Variants in CBL observed in about 807,000 individuals in gnomAD.
The protein encoded by CBL is E3 ubiquitin-protein ligase CBL.
A neutral mutation model predicts 96.9 loss-of-function variants in CBL; 45 were observed. The ratio of observed to expected loss-of-function variants is 0.46; its 90% CI spans 0.37 to 0.60. The LOEUF is 0.60. CBL is among the 20% of genes least tolerant of loss of function. The pLI, the probability that CBL is intolerant of heterozygous loss-of-function variation, is 0.00. For missense variants in CBL, 1,024 were observed against 1,143.5 expected (o/e 0.90, Z 1.51); for synonymous variants, 420 against 426.8 (o/e 0.98, Z 0.20).
rs117901657 is a variant in CBL at position 119,268,587 on chromosome 11, C to T, written c.444-3148C>T. Among the ~76,000 whole-genome samples, 189 of 152,262 alleles carry T rather than the reference C, an allele frequency of 1.2e-3. 3 individuals carry two copies. In the East Asian group the frequency reaches 0.031, roughly 25 times the overall value. ...AGATAGTTGGAAAAACTACCAAGGCCTAAGATTTGGGCATTGTTTGCTAAG... is the reference window on the plus strand; with the variant it reads ...AGATAGTTGGAAAAACTACCAAGGCTTAAGATTTGGGCATTGTTTGCTAAG... On this transcript the variant is annotated intron_variant, in intron 2 of 15. Coordinates refer to ENST00000264033, the MANE Select transcript of CBL (RefSeq NM_005188.4).
At chr11:119,248,984 A>G (rs903769755) in intron 2 of CBL, among the ~76,000 whole-genome samples, 2 of 152,168 alleles carry the variant, frequency 1.3e-5, no homozygotes, top group Admixed American at 1.3e-4. Flanking sequence ...ACCCTCATGC[A>G]TTGGTGATAG....
rs576300891 is a variant in CBL at position 119,303,110 on chromosome 11, A to G, written c.*3329A>G. On this transcript the variant is annotated 3_prime_UTR_variant, in exon 16 of 16. Coordinates refer to ENST00000264033, the MANE Select transcript of CBL (RefSeq NM_005188.4). ...TATGGTCCCAAACAGTCAACTCACA[A>G]ATTTTTATAACAAAATTTCCTTGTA... 1 of 231,934 alleles carries G rather than the reference A, an allele frequency of 4.3e-6. No individual in the cohort carries two copies. Among genetic ancestry groups the G allele is most frequent in the African/African-American group, 2.2e-5 (1 of 45,380 alleles). The allele number at this position is 231,934 out of a possible 1,614,324, so 14.4% of individuals were successfully genotyped here. A position where few individuals can be genotyped will look rare whatever the true frequency, so the allele number is the denominator to read the frequency against.
chr11:119,237,223 G>A (rs1377064054), intron 2 of CBL, among the ~76,000 whole-genome samples: 1 of 152,174 alleles, frequency 6.6e-6, no homozygotes, highest in Non-Finnish European at 1.5e-5. Flanking sequence ...ATCTTCTTTG[G>A]AGAAACATCT....
chr11:119,218,686 G>A (rs1949382913), intron 1 of CBL, among the ~76,000 whole-genome samples: 1 of 152,150 alleles, frequency 6.6e-6, no homozygotes, highest in Admixed American at 6.6e-5. Flanking sequence ...TCACCTAGTA[G>A]TCATCTTGAT....
At chr11:119,231,408 A>T (rs1949500820) in intron 1 of CBL, among the ~76,000 whole-genome samples, 1 of 151,076 alleles carries the variant, frequency 6.6e-6, no homozygotes, top group South Asian at 2.1e-4. Flanking sequence ...ACTCCATCTC[A>T]AAAACAAAAA....
At chr11:119,215,402 C>CT (rs1949351500) in intron 1 of CBL, among the ~76,000 whole-genome samples, 1 of 150,670 alleles carries the variant, frequency 6.6e-6, no homozygotes, top group African/African-American at 2.5e-5. Flanking sequence ...GCAAAATGGA[C>CT]TAAATATTCG....
chr11:119,238,457 G>A (rs539757561), intron 2 of CBL, among the ~76,000 whole-genome samples: 22 of 149,840 alleles, frequency 1.5e-4, no homozygotes, highest in African/African-American at 2.4e-4. Context: ...TGACCCGCCC[G>A]CCTCGGCCTC....
chr11:119,273,414 A>G (rs1245814396), intron 3 of CBL, among the ~76,000 whole-genome samples: 1 of 152,036 alleles, frequency 6.6e-6, no homozygotes, highest in Non-Finnish European at 1.5e-5. Context: ...TTATTTGTAA[A>G]TTATTTTTTA....
intron 12 of CBL, among the ~76,000 whole-genome samples, chr11:119,290,813 G>GCA (rs1476909988): frequency 2.0e-5 from 3 of 150,982 alleles, no homozygotes; most frequent in Admixed American, 6.6e-5. Flanking sequence ...GTAATTACAG[G>GCA]CACACACCAC....
At chr11:119,278,809 G>A (rs1379998159) in intron 9 of CBL, 96 bp downstream of exon 9, 17 of 882,128 alleles carry the variant, frequency 1.9e-5, no homozygotes, top group Non-Finnish European at 3.2e-5. Flanking sequence ...ATGATAGGTA[G>A]TATTAATAGC....
chr11:119,235,019 G>C (rs1949532471), intron 2 of CBL, among the ~76,000 whole-genome samples: 1 of 152,224 alleles, frequency 6.6e-6, no homozygotes, highest in South Asian at 2.1e-4. Context: ...GTTGAAGTCA[G>C]ATTGTAAAGG....
At position 119,235,445 on chromosome 11, in the gene CBL, A is replaced by C. The variant is rs1224299776; in HGVS notation, c.443+2750A>C. 2.0e-5 allele frequency among the ~76,000 whole-genome samples: 3 copies of C among 152,188 alleles called. No homozygotes were observed. In the East Asian group the frequency reaches 5.8e-4, roughly 29 times the overall value. On this transcript the variant is annotated intron_variant, in intron 2 of 15. Coordinates refer to ENST00000264033, the MANE Select transcript of CBL (RefSeq NM_005188.4). Reference sequence around the variant, plus strand: ...GTTACTAAAATCATAAGGAAGATAAAACATTTATTATTCAGTAAGTGGAAA... The same window carrying C: ...GTTACTAAAATCATAAGGAAGATAACACATTTATTATTCAGTAAGTGGAAA...
chr11:119,275,528 T>G (rs534127128), intron 5 of CBL, among the ~76,000 whole-genome samples: 2 of 152,140 alleles, frequency 1.3e-5, no homozygotes, highest in Non-Finnish European at 2.9e-5. Flanking sequence ...TTTTTAAAAA[T>G]ATTTTCTTTC....
At chr11:119,262,065 C>T (rs1399169540) in intron 2 of CBL, among the ~76,000 whole-genome samples, 2 of 152,066 alleles carry the variant, frequency 1.3e-5, no homozygotes, top group Non-Finnish European at 2.9e-5. Context: ...ACTAAGTGAT[C>T]GAGTTGAACA....
intron 2 of CBL, among the ~76,000 whole-genome samples, chr11:119,235,810 G>C (rs1470583186): frequency 6.6e-6 from 1 of 152,120 alleles, no homozygotes; most frequent in African/African-American, 2.4e-5. Flanking sequence ...CTGTCAGTGT[G>C]CCTGTCTGTA....
chr11:119,253,662 G>T (rs759899970), intron 2 of CBL, among the ~76,000 whole-genome samples: 2 of 147,568 alleles, frequency 1.4e-5, no homozygotes, highest in Non-Finnish European at 3.0e-5. Flanking sequence ...GTTAAACTCT[G>T]TCTTAATAAT....
At chr11:119,266,394 T>A (rs943202989) in intron 2 of CBL, among the ~76,000 whole-genome samples, 1 of 152,232 alleles carries the variant, frequency 6.6e-6, no homozygotes, top group Non-Finnish European at 1.5e-5. Flanking sequence ...GTGATTGTGA[T>A]TCCTATGAAG....
At position 119,248,541 on chromosome 11, in the gene CBL, A is replaced by T. The variant is rs1949648601; in HGVS notation, c.443+15846A>T. ...AAGACCTAAATTTAAGAACTAAAAT[A>T]CAAAATTTGTAGAAGAAACATAAGT... On this transcript the variant is annotated intron_variant, in intron 2 of 15. Transcript: ENST00000264033. Among the ~76,000 whole-genome samples, 11 of 152,376 alleles carry T rather than the reference A, an allele frequency of 7.2e-5. 1 individual carries two copies. The South Asian group carries it at 2.3e-3, about 32-fold the overall frequency.
rs1343052424 is a variant in CBL at position 119,307,822 on chromosome 11, C to G, written c.*8041C>G. 1 of 211,782 alleles carries G rather than the reference C, an allele frequency of 4.7e-6. No homozygotes were observed. Among genetic ancestry groups the G allele is most frequent in the East Asian group, 7.1e-5 (1 of 13,992 alleles). The allele number at this position is 211,782 out of a possible 1,614,324, so 13.1% of individuals were successfully genotyped here. On this transcript the variant is annotated 3_prime_UTR_variant, in exon 16 of 16. Coordinates refer to ENST00000264033, the MANE Select transcript of CBL (RefSeq NM_005188.4). The stretch of plus-strand genomic sequence containing the variant: ...AGTGTTAAGAAGAAAACAAAACAAA[C>G]ACATAGGTGAGATTTTCGTGGACTA...
Sources: gnomAD v4.1 joint callset for allele counts (sites outside exome capture counted in the v4.1 genomes callset) on GRCh38, gnomAD v4.1.1 for gene constraint, MANE v1.5 for transcripts, NCBI Gene and HGNC (gene_info 2026-07-23, HGNC 2026-07-21) for gene names.